RHOBTB1: variants seen among roughly 807,000 people sequenced by gnomAD.
The protein encoded by RHOBTB1 is Rho related BTB domain containing 1, also known as rho-related BTB domain-containing protein 1.
A neutral mutation model predicts 71.6 loss-of-function variants in RHOBTB1; 40 were observed. The ratio of observed to expected loss-of-function variants is 0.56; its 90% CI spans 0.43 to 0.73. The LOEUF is 0.73. Ranked by LOEUF, RHOBTB1 falls within the 30% of genes least tolerant of loss-of-function variation. RHOBTB1 has a pLI of 0.00. For synonymous variants in RHOBTB1, 319 were observed against 334.9 expected, an observed-to-expected ratio of 0.95 and a Z score of 0.52; for missense variants, 797 against 894.0, an observed-to-expected ratio of 0.89 and a Z score of 1.38.
At chr10:60,943,692 G>C (rs558689901) in intron 1 of RHOBTB1, among the ~76,000 whole-genome samples, 2 of 152,318 alleles carry the variant, frequency 1.3e-5, no homozygotes, top group African/African-American at 4.8e-5. Flanking sequence ...AAGGGTGCCT[G>C]TTGTACATTT....
At chr10:60,930,950 C>G (rs1237454156) in intron 2 of RHOBTB1, among the ~76,000 whole-genome samples, 3 of 152,126 alleles carry the variant, frequency 2.0e-5, no homozygotes, top group East Asian at 3.9e-4. Context: ...TAATATGTGA[C>G]TATTTAACAT....
At position 60,871,266 on chromosome 10, in the gene RHOBTB1, C is replaced by A. The variant is rs1024284275; in HGVS notation, c.*216G>T. The A allele has an allele frequency of 1.1e-5, 5 of 472,536 alleles. No individual in the cohort carries two copies. The highest frequency in any genetic ancestry group is 1.8e-5 in the Non-Finnish European group (5 of 270,902). The allele number at this position is 472,536 out of a possible 1,614,324, so 29.3% of individuals were successfully genotyped here. Reference sequence around the variant, plus strand: ...AATATACATATCAGTTTAAGGAATGCAGTGAGAGTCAGCTTCCCTTTTTGT... The same window carrying A: ...AATATACATATCAGTTTAAGGAATGAAGTGAGAGTCAGCTTCCCTTTTTGT... On this transcript the variant is annotated 3_prime_UTR_variant, in exon 11 of 11. Coordinates refer to ENST00000337910, the MANE Select transcript of RHOBTB1 (RefSeq NM_014836.5).
At chr10:60,862,051 ACTTC>A in the RHOBTB1 span, among the ~76,000 whole-genome samples, 3 of 150,916 alleles carry the variant, frequency 2.0e-5, no homozygotes, top group African/African-American at 7.3e-5. Flanking sequence ...CTAAGCAATG[ACTTC>A]CTTCCTTCCT....
At chr10:60,892,325 C>T (rs957062851) in intron 5 of RHOBTB1, among the ~76,000 whole-genome samples, 2 of 152,146 alleles carry the variant, frequency 1.3e-5, no homozygotes, top group African/African-American at 4.8e-5. Context: ...AAAAAGTGGA[C>T]ACTGTCATCT....
At position 60,871,685 on chromosome 10, in the gene RHOBTB1, C is replaced by A. The variant is rs370892681; in HGVS notation, c.1922-34G>T. On this transcript the variant is annotated intron_variant, in intron 10 of 10. Coordinates refer to ENST00000337910, the MANE Select transcript of RHOBTB1 (RefSeq NM_014836.5). Reference sequence around the variant, plus strand: ...GGAAAGATGCAGACCATAAGACCTGCGGTTCATTGATGCCTTTTATGTGCT... The same window carrying A: ...GGAAAGATGCAGACCATAAGACCTGAGGTTCATTGATGCCTTTTATGTGCT... 18 of 1,598,892 alleles carry A rather than the reference C, an allele frequency of 1.1e-5. No homozygotes were observed. In the South Asian group the frequency reaches 1.5e-4, roughly 13 times the overall value.
chr10:60,889,258 G>T, intron 5 of RHOBTB1, 73 bp from the exon 6 acceptor site: 1 of 1,437,568 alleles, frequency 7.0e-7, no homozygotes, highest in Non-Finnish European at 9.3e-7. Flanking sequence ...GCCTATCTAA[G>T]CACCTAATGG....
intron 1 of RHOBTB1, among the ~76,000 whole-genome samples, chr10:60,997,166 T>C (rs947809760): frequency 6.6e-6 from 1 of 152,088 alleles, no homozygotes; most frequent in East Asian, 1.9e-4. Context: ...TCATCTCTGC[T>C]ATTAGCTGGA....
At position 60,990,107 on chromosome 10, in the gene RHOBTB1, C is replaced by T. The variant is rs1005609903; in HGVS notation, c.-162-4162G>A. On this transcript the variant is annotated intron_variant, in intron 1 of 11. Transcript: ENST00000357917. The stretch of plus-strand genomic sequence containing the variant: ...ATGCCATTCTCCTGCCTCAGCCTCC[C>T]GAGTAGCTGGGACTACAGGCGCCCG... Among the ~76,000 whole-genome samples, 6 of 151,806 alleles carry T rather than the reference C, an allele frequency of 4.0e-5. No homozygotes were observed. In the East Asian group the frequency reaches 5.8e-4, roughly 15 times the overall value.
chr10:60,968,205 A>G (rs765288622), intron 2 of RHOBTB1, among the ~76,000 whole-genome samples: 1 of 152,160 alleles, frequency 6.6e-6, no homozygotes, highest in Non-Finnish European at 1.5e-5. Context: ...CTCTGGAGAA[A>G]TGTAAATTAT....
intron 2 of RHOBTB1, among the ~76,000 whole-genome samples, chr10:60,966,675 CT>C (rs536434101): frequency 0.012 from 1,743 of 148,016 alleles, 7 homozygotes; most frequent in African/African-American, 0.027. Flanking sequence ...TTTTTTGGTT[CT>C]TTTTTTTTAA....
chr10:60,879,198 G>A (rs1243317289), intron 7 of RHOBTB1, among the ~76,000 whole-genome samples: 1 of 152,156 alleles, frequency 6.6e-6, no homozygotes. Context: ...GAAAGTGTAT[G>A]TTCAGAATTT....
chr10:60,942,799 CTATT>C (rs1250023716), intron 1 of RHOBTB1, among the ~76,000 whole-genome samples: 2 of 152,076 alleles, frequency 1.3e-5, no homozygotes, highest in Non-Finnish European at 2.9e-5. Flanking sequence ...AGCCTATTGA[CTATT>C]TACTATCTGC....
In RHOBTB1 at chr10:60,926,001, C is replaced by T. The variant is rs926619032; in HGVS notation, c.-10-14449G>A. On this transcript the variant is annotated intron_variant, in intron 2 of 10. Transcript: ENST00000337910. ...ATCCTAGCACTTTGTGGGGCCGAGG[C>T]GGGCAGATCACTTGAGGTCAGGAGC... Among the ~76,000 whole-genome samples the T allele has an allele frequency of 9.2e-5, 14 of 152,268 alleles. No individual in the cohort carries two copies. In the South Asian group the frequency reaches 1.0e-3, roughly 11 times the overall value.
intron 2 of RHOBTB1, among the ~76,000 whole-genome samples, chr10:60,918,297 TTCAAA>T (rs1224502792): frequency 6.6e-6 from 1 of 152,206 alleles, no homozygotes; most frequent in East Asian, 1.9e-4. Context: ...TGGTCTCCTC[TTCAAA>T]TCATTTCCCT....
rs115688307 is a variant in RHOBTB1, at chr10:60,928,100, G to A, written c.-11+13704C>T. Among the ~76,000 whole-genome samples the A allele has an allele frequency of 2.2e-3, 338 of 152,250 alleles. 1 individual carries two copies. The highest frequency in any genetic ancestry group is 7.5e-3 in the African/African-American group (311 of 41,550). On this transcript the variant is annotated intron_variant, in intron 2 of 10. Transcript: ENST00000337910. Reference sequence around the variant, plus strand: ...CAACATCATTCGTCATCAGAGAAATGCAAGTGAAAACTACAATAAGATATA... The same window carrying A: ...CAACATCATTCGTCATCAGAGAAATACAAGTGAAAACTACAATAAGATATA...
chr10:60,980,645 C>T (rs1589452680), intron 2 of RHOBTB1, among the ~76,000 whole-genome samples: 2 of 151,494 alleles, frequency 1.3e-5, no homozygotes, highest in African/African-American at 2.4e-5. Context: ...TTAGAACATA[C>T]GAATGATGGG....
chr10:60,930,635 T>C (rs2084188689), intron 2 of RHOBTB1, among the ~76,000 whole-genome samples: 1 of 152,196 alleles, frequency 6.6e-6, no homozygotes, highest in Non-Finnish European at 1.5e-5. Context: ...GTGAACCATG[T>C]AGCTGCTTAT....
intron 4 of RHOBTB1, among the ~76,000 whole-genome samples, chr10:60,906,229 A>T (rs1162414788): frequency 6.6e-6 from 1 of 152,240 alleles, no homozygotes; most frequent in East Asian, 1.9e-4. Flanking sequence ...CAAGATTCCC[A>T]TTCACTCTCA....
chr10:60,917,416 C>T (rs563359094), intron 2 of RHOBTB1, among the ~76,000 whole-genome samples: 119 of 152,280 alleles, frequency 7.8e-4, no homozygotes, highest in African/African-American at 2.7e-3. Flanking sequence ...TAACAAAATA[C>T]CATAGACTAG....
Sources: allele counts gnomAD v4.1 joint callset (sites outside exome capture counted in the v4.1 genomes callset), GRCh38; gene constraint gnomAD v4.1.1; transcripts MANE v1.5; gene names NCBI Gene and HGNC (gene_info 2026-07-23, HGNC 2026-07-21).